SYNE2: variants seen among roughly 807,000 people sequenced by gnomAD.
SYNE2 encodes spectrin repeat containing nuclear envelope protein 2, also known as nesprin-2.
A neutral mutation model predicts 856.3 loss-of-function variants in SYNE2; 431 were observed. That is an observed-to-expected ratio of 0.50 (90% confidence interval 0.47 to 0.55). The LOEUF (loss-of-function observed/expected upper bound fraction) is 0.55. Among genes scored for constraint, SYNE2 ranks in the 20% least tolerant of loss-of-function variants. The pLI is 0.00. For synonymous variants in SYNE2, 2,923 were observed against 2,872.3 expected (o/e 1.02, Z -0.56); for missense variants, 8,129 against 8,023.2 (o/e 1.01, Z -0.50).
intron 23 of SYNE2, 78 bp from the exon 24 acceptor site, chr14:63,996,869 T>G (rs1385418310): frequency 1.5e-6 from 2 of 1,325,752 alleles, no homozygotes; most frequent in East Asian, 4.8e-5. Flanking sequence ...ACTACACACA[T>G]CTGTTAGTTT....
At position 63,980,646 on chromosome 14, in the gene SYNE2, C is replaced by A. The variant is rs2096578663; in HGVS notation, c.1570-8C>A. ...AAACTGTCAATATGTTTTTTGTTTT[C>A]TTCCCAGAAATTTATTGAAGAAAAA... On this transcript the variant is annotated splice_region_variant and splice_polypyrimidine_tract_variant and intron_variant, in intron 14 of 115. Transcript: ENST00000555002. The A allele has an allele frequency of 1.3e-6, 2 of 1,569,018 alleles. No individual in the cohort carries two copies. Among genetic ancestry groups the A allele is most frequent in the Non-Finnish European group, 8.8e-7 (1 of 1,140,484 alleles).
At chr14:63,872,471 A>AT in intron 1 of SYNE2, among the ~76,000 whole-genome samples, 1 of 150,386 alleles carries the variant, frequency 6.6e-6, no homozygotes, top group Non-Finnish European at 1.5e-5. Flanking sequence ...CAAGAGTCTA[A>AT]TTGGCTGGGC....
At chr14:64,169,435 C>T (rs373444957) in intron 93 of SYNE2, among the ~76,000 whole-genome samples, 5 of 152,352 alleles carry the variant, frequency 3.3e-5, no homozygotes, top group African/African-American at 1.2e-4. Context: ...CTTAGGGTCA[C>T]TGGGCAGTGC....
chr14:64,063,893 T>A (rs2097336803), intron 50 of SYNE2, among the ~76,000 whole-genome samples: 1 of 152,194 alleles, frequency 6.6e-6, no homozygotes, highest in African/African-American at 2.4e-5. Flanking sequence ...TGAATAACAC[T>A]GAACTCTATG....
chr14:64,018,479 T>G (rs1038473045), intron 34 of SYNE2, among the ~76,000 whole-genome samples: 5 of 152,202 alleles, frequency 3.3e-5, no homozygotes, highest in African/African-American at 1.2e-4. Flanking sequence ...CCTGACCTCG[T>G]GATCCGCCCA....
chr14:64,051,650 C>A lies in SYNE2; in HGVS notation c.7737C>A (p.Ile2579=). ...AAGATTCTTTAGGCAACTTGAAAAT[C>A]AAATGGGAGAATTTATCAAACCACG... is the stretch of plus-strand genomic sequence containing the variant. ...KEKDSLGNLK[I]KWENLSNHVT... is the part of the protein sequence containing the mutation. Residue 2579 remains isoleucine (I), a synonymous_variant, in exon 48 of 116, where the codon ATC becomes ATA. Coordinates refer to ENST00000555002, the MANE Select transcript of SYNE2 (RefSeq NM_182914.3). The A allele has an allele frequency of 1.2e-6, 2 of 1,614,042 alleles. No homozygotes were observed. The highest frequency in any genetic ancestry group is 2.2e-5 in the South Asian group (2 of 91,042).
upstream of SYNE2, among the ~76,000 whole-genome samples, chr14:63,849,596 C>T (rs983245286): frequency 1.6e-4 from 24 of 152,134 alleles, no homozygotes; most frequent in African/African-American, 5.8e-4. Flanking sequence ...AAGTATAAGA[C>T]TGGAATTAGC....
intron 7 of SYNE2, among the ~76,000 whole-genome samples, chr14:63,953,602 C>G (rs560191381): frequency 8.5e-5 from 13 of 152,076 alleles, no homozygotes; most frequent in Non-Finnish European, 1.8e-4. Context: ...ATATACATAA[C>G]TTAAAATCTG....
In SYNE2 at chr14:64,130,159, G is replaced by C. The variant is rs768078645; in HGVS notation, c.14251G>C (p.Val4751Leu). The change falls in exon 76 of 116, where the codon GTG (valine) becomes CTG (leucine). Residue 4751 changes from valine (V) to leucine (L), a missense_variant. Physicochemically the swap from Val to Leu is conservative, Grantham distance 32. Coordinates refer to ENST00000555002, the MANE Select transcript of SYNE2 (RefSeq NM_182914.3). ...DALLQGMVEL[V>L]KIGKEKLAHG... ...TTTGTTGCAAGGCATGGTGGAACTGGTGAAGATTGGGAAGGAAAAGCTTGC... is the reference window on the plus strand; with the variant it reads ...TTTGTTGCAAGGCATGGTGGAACTGCTGAAGATTGGGAAGGAAAAGCTTGC... 7 of 1,614,186 alleles carry C rather than the reference G, an allele frequency of 4.3e-6. No individual in the cohort carries two copies. The highest frequency in any genetic ancestry group is 3.3e-5 in the Admixed American group (2 of 60,020).
intron 31 of SYNE2, among the ~76,000 whole-genome samples, chr14:64,007,903 A>C (rs531753630): frequency 8.5e-5 from 13 of 152,212 alleles, no homozygotes; most frequent in African/African-American, 3.1e-4. Flanking sequence ...CCAGCTACTC[A>C]GGAGGCTGAG....
intron 108 of SYNE2, 178 bp from the exon 109 acceptor site, chr14:64,218,220 G>A: frequency 1.6e-6 from 1 of 610,602 alleles, no homozygotes; most frequent in Non-Finnish European, 2.9e-6. Context: ...TCTGCCATCA[G>A]CTTTGCCAGC....
intron 18 of SYNE2, 52 bp from the exon 19 acceptor site, chr14:63,986,404 T>G: frequency 1.5e-5 from 24 of 1,600,418 alleles, no homozygotes; most frequent in Non-Finnish European, 2.0e-5. Context: ...AGGAAAATTA[T>G]TTTGTTATGT....
intron 68 of SYNE2, among the ~76,000 whole-genome samples, chr14:64,121,284 G>T (rs2097896440): frequency 6.6e-6 from 1 of 152,108 alleles, no homozygotes; most frequent in African/African-American, 2.4e-5. Context: ...ACTTTGGGAG[G>T]CTGAGGCAGG....
At chr14:64,120,357 A>G (rs1595659421) in intron 67 of SYNE2, among the ~76,000 whole-genome samples, 2 of 152,320 alleles carry the variant, frequency 1.3e-5, no homozygotes, top group African/African-American at 4.8e-5. Context: ...TTAAGAAAAA[A>G]GGCAATACAT....
intron 99 of SYNE2, among the ~76,000 whole-genome samples, chr14:64,197,539 AG>A (rs993964752): frequency 6.6e-6 from 1 of 152,188 alleles, no homozygotes; most frequent in East Asian, 1.9e-4. Context: ...AGCTGCCCGC[AG>A]GTTTGACTAT....
chr14:64,214,443 G>A lies in SYNE2; in HGVS notation c.19306G>A (p.Glu6436Lys), dbSNP rs2098656417. 2 of 1,613,712 alleles carry A rather than the reference G, an allele frequency of 1.2e-6. No homozygotes were observed. The highest frequency in any genetic ancestry group is 1.7e-6 in the Non-Finnish European group (2 of 1,179,986). ...GGSSSHEEDE[E>K]GPYYSALSDV... is the part of the protein sequence containing the mutation. ...CTCCTCCTCTCACGAAGAGGACGAG[G>A]AGGGCCCATACTACAGCGCACTGTC... The change falls in exon 106 of 116, where the codon GAG (glutamate) becomes AAG (lysine). Residue 6436 changes from glutamate to lysine, a missense_variant. By Grantham distance (56) the Glu-to-Lys change is moderately conservative (BLOSUM62 1). Coordinates refer to ENST00000555002, the MANE Select transcript of SYNE2 (RefSeq NM_182914.3).
intron 11 of SYNE2, among the ~76,000 whole-genome samples, 176 bp downstream of exon 11, chr14:63,968,022 G>A (rs568486834): frequency 6.6e-6 from 1 of 152,322 alleles, no homozygotes; most frequent in African/African-American, 2.4e-5. Context: ...AATTAGCAGG[G>A]TGTGTTGGTG....
intron 69 of SYNE2, 42 bp downstream of exon 69, chr14:64,122,175 T>C (rs2153667161): frequency 1.2e-6 from 2 of 1,614,170 alleles, no homozygotes; most frequent in Middle Eastern, 1.6e-4. Flanking sequence ...AGTGGTTTTA[T>C]GACTGGGAGA....
rs139758158 is a variant in SYNE2 at position 63,918,805 on chromosome 14, A to G, written c.79+9578A>G. ...TCAGTGGTGTCGTGTTATAAGGTAA[A>G]GGGCACCTGGCTCAAAGGTGGAGCA... On this transcript the variant is annotated intron_variant, in intron 2 of 115. Coordinates refer to ENST00000555002, the MANE Select transcript of SYNE2 (RefSeq NM_182914.3). Among the ~76,000 whole-genome samples, 1,004 of 152,308 alleles carry G rather than the reference A, an allele frequency of 6.6e-3. 7 individuals are homozygous for G. Among genetic ancestry groups the G allele is most frequent in the African/African-American group, 0.023 (950 of 41,556 alleles).
Sources: gnomAD v4.1 joint callset for allele counts (sites outside exome capture counted in the v4.1 genomes callset) on GRCh38, gnomAD v4.1.1 for gene constraint, MANE v1.5 for transcripts, NCBI Gene and HGNC (gene_info 2026-07-23, HGNC 2026-07-21) for gene names.